The following CSTF3 variants were observed in gnomAD, a reference collection of about 807,000 sequenced individuals.
CSTF3 encodes the protein CF-1 77 kDa subunit.
A neutral mutation model predicts 105.8 loss-of-function variants in CSTF3; 29 were observed. That is an observed-to-expected ratio of 0.27 (90% CI 0.20 to 0.37). CSTF3 has a LOEUF of 0.37. Ranked by LOEUF, CSTF3 falls within the 10% of genes least tolerant of loss-of-function variation. The probability of loss-of-function intolerance (pLI) is 1.00; values close to 1 mark genes in which losing one functional copy is unlikely to be tolerated. For missense variants in CSTF3, 357 were observed against 879.3 expected (o/e 0.41, Z 7.51); for synonymous variants, 252 against 281.9 (o/e 0.89, Z 1.06).
At chr11:33,127,506 T>G (rs1855555691) in intron 3 of CSTF3, among the ~76,000 whole-genome samples, 2 of 152,300 alleles carry the variant, frequency 1.3e-5, no homozygotes, top group South Asian at 4.1e-4. Flanking sequence ...CAACACATTC[T>G]TATTTATATT....
At chr11:33,143,308 CTTTT>C (rs1447788035) in intron 1 of CSTF3, among the ~76,000 whole-genome samples, 2 of 151,828 alleles carry the variant, frequency 1.3e-5, no homozygotes, top group Non-Finnish European at 2.9e-5. Flanking sequence ...GGTAGTTTTA[CTTTT>C]ATTATAGAAA....
chr11:33,141,309 C>G (rs1412790640), intron 3 of CSTF3: 1 of 312,796 alleles, frequency 3.2e-6, no homozygotes, highest in African/African-American at 2.2e-5. Context: ...TCTGTATTTT[C>G]ATATACTCCC....
chr11:33,122,653 G>C (rs1270499875), intron 3 of CSTF3, among the ~76,000 whole-genome samples: 1 of 152,066 alleles, frequency 6.6e-6, no homozygotes, highest in Non-Finnish European at 1.5e-5. Context: ...GGTGGCTCAA[G>C]CCTGTAATCC....
chr11:33,095,437 G>A (rs917919300), intron 15 of CSTF3, among the ~76,000 whole-genome samples: 1 of 152,158 alleles, frequency 6.6e-6, no homozygotes, highest in African/African-American at 2.4e-5. Flanking sequence ...TAGACTAAAT[G>A]ATATACATAT....
At chr11:33,086,442 C>CT (rs11422800) in intron 18 of CSTF3, among the ~76,000 whole-genome samples, 67,698 of 148,518 alleles carry the variant, frequency 0.46, 15,973 homozygotes, top group African/African-American at 0.56. Context: ...AGCAGCATTC[C>CT]TTTTTTTTTT....
chr11:33,105,500 A>G, intron 8 of CSTF3, 67 bp downstream of exon 8: 1 of 1,424,118 alleles, frequency 7.0e-7, no homozygotes, highest in Admixed American at 2.3e-5. Context: ...TATAATCTAC[A>G]AATCCACAAT....
At chr11:33,087,220 C>G in intron 17 of CSTF3, 79 bp from the exon 18 acceptor site, 4 of 1,455,358 alleles carry the variant, frequency 2.7e-6, no homozygotes, top group South Asian at 1.2e-5. Flanking sequence ...CTTGAGGATA[C>G]AGTGTGAATA....
chr11:33,109,785 G>A lies in CSTF3; in HGVS notation c.226-1367C>T, dbSNP rs556539072. Among the ~76,000 whole-genome samples the A allele has an allele frequency of 9.9e-5, 15 of 152,214 alleles. No homozygotes were observed. The South Asian group carries it at 3.1e-3, about 32-fold the overall frequency. On this transcript the variant is annotated intron_variant, in intron 3 of 20. Coordinates refer to ENST00000323959, the MANE Select transcript of CSTF3 (RefSeq NM_001326.3). ...AGGGCTTTTTTTAGGTCAAGAATAA[G>A]TGTCTCTCTTCTATTTGTTCCTTTT...
chr11:33,119,049 G>C (rs893307455), intron 3 of CSTF3, among the ~76,000 whole-genome samples: 2 of 145,218 alleles, frequency 1.4e-5, no homozygotes, highest in South Asian at 2.3e-4. Flanking sequence ...TCTTCCATTA[G>C]TCACATGACT....
In CSTF3 at chr11:33,099,773, C is replaced by CTT; in HGVS notation, c.827-57_827-56insAA. 1.8e-6 allele frequency: 2 copies of CTT among 1,139,054 alleles called. No homozygotes were observed. Among genetic ancestry groups the CTT allele is most frequent in the Middle Eastern group, 4.2e-4 (2 of 4,706 alleles). 70.6% of individuals were successfully genotyped at this position (1,139,054 alleles called of 1,614,324 possible). On this transcript the variant is annotated intron_variant, in intron 10 of 20. Transcript: ENST00000323959. This position sits in a 1 kb window ranked among gnomAD's most constrained non-coding sequence, Gnocchi z 4.1. ...ATTAAAATAATTATTATTTGTAAAA[C>CTT]TATCAATGTAAATATCATAACCAAA... is the stretch of plus-strand genomic sequence containing the variant.
At chr11:33,108,358 A>G (rs925384417) in intron 4 of CSTF3, 28 bp downstream of exon 4, 4 of 1,448,364 alleles carry the variant, frequency 2.8e-6, no homozygotes, top group Non-Finnish European at 3.7e-6. Flanking sequence ...AAACTTCAAT[A>G]TAAAATTCAA....
intron 13 of CSTF3, among the ~76,000 whole-genome samples, chr11:33,098,245 A>T (rs968100342): frequency 6.6e-6 from 1 of 152,176 alleles, no homozygotes; most frequent in Non-Finnish European, 1.5e-5. Context: ...GATTTAGCAT[A>T]AAGTGAGTTT....
intron 3 of CSTF3, among the ~76,000 whole-genome samples, chr11:33,122,912 C>G (rs1855505356): frequency 1.5e-5 from 1 of 66,350 alleles, no homozygotes; most frequent in African/African-American, 4.9e-5. Context: ...GATATCCTGT[C>G]TCAAAAAAAA....
At chr11:33,123,715 T>C (rs1855515727) in intron 3 of CSTF3, among the ~76,000 whole-genome samples, 1 of 151,962 alleles carries the variant, frequency 6.6e-6, no homozygotes, top group Admixed American at 6.6e-5. Flanking sequence ...CAAAACAAAA[T>C]GTAATAGATA....
chr11:33,127,879 T>G lies in CSTF3; in HGVS notation c.225+13788A>C, dbSNP rs183860836. Among the ~76,000 whole-genome samples the G allele has an allele frequency of 1.1e-4, 16 of 152,372 alleles. No homozygotes were observed. The East Asian group carries it at 3.1e-3, about 29-fold the overall frequency. On this transcript the variant is annotated intron_variant, in intron 3 of 20. Coordinates refer to ENST00000323959, the MANE Select transcript of CSTF3 (RefSeq NM_001326.3). ...GTAAAATAAGTAGTATCTCTTAATC[T>G]TGGTTATTAAATATTTGTCCCTTTG...
intron 3 of CSTF3, among the ~76,000 whole-genome samples, chr11:33,122,785 A>G (rs416097): frequency 0.56 from 84,183 of 151,406 alleles, 25,997 homozygotes; most frequent in Non-Finnish European, 0.69. Context: ...GCATGGTGGC[A>G]TGCACCTGTA....
intron 1 of CSTF3, among the ~76,000 whole-genome samples, chr11:33,147,034 T>C (rs975413622): frequency 2.0e-5 from 3 of 152,048 alleles, no homozygotes; most frequent in Admixed American, 6.6e-5. Context: ...GGCATGGTGG[T>C]GTGTGCCTGC....
Position 33,108,010 on chromosome 11 carries a change from C to T in CSTF3, c.259-10G>A. On this transcript the variant is annotated splice_polypyrimidine_tract_variant and intron_variant, in intron 4 of 20. Coordinates refer to ENST00000323959, the MANE Select transcript of CSTF3 (RefSeq NM_001326.3). ...GGCATCTCTGAAATAGCTTTAAATA[C>T]AAGAATATATTATCAGAATCCAGTT... The T allele has an allele frequency of 6.6e-7, 1 of 1,515,158 alleles. No homozygotes were observed. The highest frequency in any genetic ancestry group is 1.2e-5 in the South Asian group (1 of 85,494). 93.9% of individuals were successfully genotyped at this position (1,515,158 alleles called of 1,614,324 possible). A position where few individuals can be genotyped will look rare whatever the true frequency, so the allele number is the denominator to read the frequency against.
intron 1 of CSTF3, among the ~76,000 whole-genome samples, chr11:33,155,140 A>G (rs1343542828): frequency 6.6e-6 from 1 of 152,092 alleles, no homozygotes; most frequent in Non-Finnish European, 1.5e-5. Flanking sequence ...GCGGATCATG[A>G]GGTCAGGAGA....
Sources: gnomAD v4.1 joint callset for allele counts (sites outside exome capture counted in the v4.1 genomes callset) on GRCh38, gnomAD v4.1.1 for gene constraint, Gnocchi (gnomAD v3.1) non-coding constraint, MANE v1.5 for transcripts, NCBI Gene and HGNC (gene_info 2026-07-23, HGNC 2026-07-21) for gene names.